HSF2BP: variants seen among roughly 807,000 people sequenced by gnomAD.
HSF2BP encodes the protein heat shock transcription factor 2 binding protein, also known as heat shock factor 2-binding protein.
HSF2BP carries 35 observed loss-of-function variants against 35.0 expected under a neutral mutation model. The observed-to-expected ratio is 1.00, with a 90% CI of 0.76 to 1.32. The LOEUF is 1.32. Ranked by LOEUF, HSF2BP falls within the 40% of genes most tolerant of loss-of-function variation. HSF2BP has a pLI of 0.00. For missense variants in HSF2BP, 326 were observed against 321.7 expected, an observed-to-expected ratio of 1.01 and a Z score of -0.10; for synonymous variants, 114 against 117.4, an observed-to-expected ratio of 0.97 and a Z score of 0.18.
At chr21:43,602,640 CCT>C (rs1246137065) in intron 7 of HSF2BP, among the ~76,000 whole-genome samples, 1 of 152,216 alleles carries the variant, frequency 6.6e-6, no homozygotes, top group Non-Finnish European at 1.5e-5. Context: ...AACCCTCTAC[CCT>C]GTGCCTGGAT....
In HSF2BP at chr21:43,588,018, T is replaced by TA. The variant is rs1271303864; in HGVS notation, c.796+4206_796+4207insT. On this transcript the variant is annotated intron_variant, in intron 8 of 8. Transcript: ENST00000291560. ...ATTAGCCTAAGTAGAGACTGGCATA[T>TA]TGTTTCAGGGCAACTGACCCAGAAG... Among the ~76,000 whole-genome samples the TA allele has an allele frequency of 3.3e-5, 5 of 152,310 alleles. No individual in the cohort carries two copies. The East Asian group carries it at 9.7e-4, about 29-fold the overall frequency.
intron 7 of HSF2BP, among the ~76,000 whole-genome samples, chr21:43,596,568 G>A (rs891034634): frequency 1.3e-5 from 2 of 152,114 alleles, no homozygotes; most frequent in Non-Finnish European, 2.9e-5. Context: ...AGAAACTGAA[G>A]AGAAGTGCCC....
intron 4 of HSF2BP, among the ~76,000 whole-genome samples, chr21:43,636,265 A>G (rs918093527): frequency 7.2e-6 from 1 of 139,066 alleles, no homozygotes; most frequent in Non-Finnish European, 1.5e-5. Flanking sequence ...AAAGAAAAGA[A>G]AAGAAAAAAC....
At chr21:43,636,906 A>AAG (rs2082568655) in intron 4 of HSF2BP, among the ~76,000 whole-genome samples, 1 of 151,558 alleles carries the variant, frequency 6.6e-6, no homozygotes, top group East Asian at 1.9e-4. Flanking sequence ...AAAAAAAAAA[A>AAG]AAAAAAAAGA....
chr21:43,608,377 C>G (rs117055805), intron 7 of HSF2BP, among the ~76,000 whole-genome samples: 1 of 151,930 alleles, frequency 6.6e-6, no homozygotes, highest in Non-Finnish European at 1.5e-5. Context: ...ATCAGGGAAA[C>G]GCAAATCAAA....
At chr21:43,616,841 G>A (rs2082277160) in intron 6 of HSF2BP, among the ~76,000 whole-genome samples, 1 of 151,710 alleles carries the variant, frequency 6.6e-6, no homozygotes. Context: ...TGAGGCAGGA[G>A]AATGGTGTGA....
At chr21:43,611,557 C>T (rs1296574002) in intron 7 of HSF2BP, among the ~76,000 whole-genome samples, 2 of 152,146 alleles carry the variant, frequency 1.3e-5, no homozygotes, top group East Asian at 3.8e-4. Context: ...GGCCTGGACT[C>T]GAGGGAGCTC....
chr21:43,590,452 A>G (rs78010493), intron 8 of HSF2BP, among the ~76,000 whole-genome samples: 6,737 of 152,246 alleles, frequency 0.044, 266 homozygotes, highest in East Asian at 0.092. Context: ...CACCTACCAC[A>G]TGTCTCAGTG....
intron 4 of HSF2BP, among the ~76,000 whole-genome samples, chr21:43,636,720 T>C (rs2082564181): frequency 6.6e-6 from 1 of 151,776 alleles, no homozygotes; most frequent in African/African-American, 2.4e-5. Context: ...GGTGAAACCC[T>C]GTCTCTAATA....
chr21:43,581,822 C>CGGGGGATGAGGGCCTGCTGA (rs2081737186), intron 8 of HSF2BP, among the ~76,000 whole-genome samples: 1 of 133,198 alleles, frequency 7.5e-6, no homozygotes, highest in African/African-American at 2.9e-5. Flanking sequence ...GTCTGTGCTG[C>CGGGGGATGAGGGCCTGCTGA]GGGAGATGAG....
At chr21:43,618,085 C>T (rs934397709) in intron 6 of HSF2BP, among the ~76,000 whole-genome samples, 8 of 151,962 alleles carry the variant, frequency 5.3e-5, no homozygotes, top group African/African-American at 1.9e-4. Context: ...CATAATGAGA[C>T]CCCATCTCTA....
intron 8 of HSF2BP, among the ~76,000 whole-genome samples, chr21:43,583,046 G>A (rs1158896885): frequency 1.1e-4 from 2 of 17,894 alleles, no homozygotes; most frequent in African/African-American, 4.2e-4. Flanking sequence ...GGGAGATGAG[G>A]ACCTGCTGAG....
intron 4 of HSF2BP, among the ~76,000 whole-genome samples, chr21:43,640,609 T>C (rs1456809582): frequency 1.3e-5 from 2 of 152,362 alleles, no homozygotes; most frequent in East Asian, 1.9e-4. Context: ...AACCTGAAAG[T>C]TGTTAATTGT....
At chr21:43,640,517 C>T (rs1053265164) in intron 4 of HSF2BP, among the ~76,000 whole-genome samples, 8 of 152,130 alleles carry the variant, frequency 5.3e-5, no homozygotes, top group Admixed American at 3.3e-4. Flanking sequence ...TAAAATTGCA[C>T]AGAACTATGT....
chr21:43,605,569 A>C (rs895519509), intron 7 of HSF2BP, among the ~76,000 whole-genome samples: 68 of 145,568 alleles, frequency 4.7e-4, no homozygotes, highest in South Asian at 1.1e-3. Flanking sequence ...TACACACCAC[A>C]AACATCCCCC....
intron 5 of HSF2BP, among the ~76,000 whole-genome samples, chr21:43,632,056 C>A (rs181455338): frequency 1.1e-3 from 25 of 22,460 alleles, no homozygotes; most frequent in African/African-American, 2.3e-3. Flanking sequence ...CGCTCCCCCC[C>A]CACACACGCT....
intron 8 of HSF2BP, among the ~76,000 whole-genome samples, chr21:43,584,761 G>A (rs1158940799): frequency 2.6e-5 from 4 of 152,134 alleles, no homozygotes; most frequent in East Asian, 3.8e-4. Context: ...CGGATTAAGC[G>A]AGTATCTTCA....
intron 7 of HSF2BP, among the ~76,000 whole-genome samples, chr21:43,596,243 C>T (rs1313139148): frequency 5.3e-5 from 8 of 152,038 alleles, no homozygotes; most frequent in Admixed American, 4.6e-4. Context: ...AGTTAAAAAT[C>T]ATTTTTTAAG....
chr21:43,596,902 A>G (rs144075957), intron 7 of HSF2BP, among the ~76,000 whole-genome samples: 23 of 52,586 alleles, frequency 4.4e-4, no homozygotes, highest in African/African-American at 8.0e-4. Context: ...AAAAAAAAAA[A>G]AAAGAGAATT....
Sources: gnomAD v4.1 joint callset for allele counts (sites outside exome capture counted in the v4.1 genomes callset) on GRCh38, gnomAD v4.1.1 for gene constraint, MANE v1.5 for transcripts, NCBI Gene and HGNC (gene_info 2026-07-23, HGNC 2026-07-21) for gene names.